The following MEF2D variants were observed in gnomAD, a reference collection of about 807,000 sequenced individuals.
MEF2D encodes myocyte enhancer factor 2D, also known as myocyte-specific enhancer factor 2D.
MEF2D carries 10 observed loss-of-function variants against 59.3 expected under a neutral mutation model. The observed-to-expected ratio is 0.17, with a 90% CI of 0.10 to 0.29. The LOEUF is 0.29. Among genes scored for constraint, MEF2D ranks in the 10% least tolerant of loss-of-function variants. The pLI is 1.00. For synonymous variants in MEF2D, 305 were observed against 295.0 expected (o/e 1.03, Z -0.35); for missense variants, 508 against 699.4 (o/e 0.73, Z 3.09).
intron 9 of MEF2D, among the ~76,000 whole-genome samples, chr1:156,473,190 GTA>G (rs912026983): frequency 6.6e-6 from 1 of 150,406 alleles, no homozygotes; most frequent in Non-Finnish European, 1.5e-5. Flanking sequence ...GTTGATTTTT[GTA>G]TTTTTAGTAG....
intron 9 of MEF2D, among the ~76,000 whole-genome samples, chr1:156,474,239 A>C (rs1238406472): frequency 2.0e-5 from 3 of 152,196 alleles, no homozygotes; most frequent in Non-Finnish European, 4.4e-5. Flanking sequence ...ACTTGAACTC[A>C]GGAGTTTGAG....
intron 3 of MEF2D, 43 bp from the exon 4 acceptor site, chr1:156,481,014 C>A: frequency 6.2e-7 from 1 of 1,608,878 alleles, no homozygotes; most frequent in Non-Finnish European, 8.5e-7. Flanking sequence ...GAGTCCTTCC[C>A]GCCCGCCTCG....
At chr1:156,480,139 A>G (rs1178137315) in intron 4 of MEF2D, among the ~76,000 whole-genome samples, 1 of 152,136 alleles carries the variant, frequency 6.6e-6, no homozygotes, top group African/African-American at 2.4e-5. Flanking sequence ...AGAGGCCCTG[A>G]TAACAGACTC....
intron 4 of MEF2D, chr1:156,480,611 A>C: frequency 6.5e-7 from 1 of 1,530,710 alleles, no homozygotes; most frequent in South Asian, 1.2e-5. Flanking sequence ...ACCATGCACC[A>C]CAGGGAGGCT....
chr1:156,476,859 G>A, intron 7 of MEF2D, 153 bp downstream of exon 7: 2 of 953,972 alleles, frequency 2.1e-6, no homozygotes, highest in Non-Finnish European at 3.1e-6. Context: ...CCTCTGGGAA[G>A]AAAAATCTCA....
chr1:156,480,951 G>A lies in MEF2D; in HGVS notation c.279C>T (p.Phe93=). Residue 93 remains phenylalanine, a synonymous_variant, in exon 4 of 12, where the codon TTC becomes TTT. Coordinates refer to ENST00000348159, the MANE Select transcript of MEF2D (RefSeq NM_005920.4). ...DIIETLRKKG[F]NGCDSPEPDG... is the part of the protein sequence containing the mutation. ...CGGGCTCGGGGCTGTCGCAGCCGTT[G>A]AAGCCCTTCTTCCTCAGGGTCTGTA... 1 of 1,612,026 alleles carries A rather than the reference G, an allele frequency of 6.2e-7. No homozygotes were observed. The highest frequency in any genetic ancestry group is 8.5e-7 in the Non-Finnish European group (1 of 1,179,932).
chr1:156,495,838 G>A (rs148732686), intron 1 of MEF2D, among the ~76,000 whole-genome samples: 2 of 138,828 alleles, frequency 1.4e-5, no homozygotes, highest in Non-Finnish European at 3.1e-5. Flanking sequence ...ACAGCATCCA[G>A]CCAGAGGCAC....
intron 5 of MEF2D, 119 bp from the exon 6 acceptor site, chr1:156,479,465 G>A (rs1671838910): frequency 6.7e-7 from 1 of 1,485,790 alleles, no homozygotes; most frequent in South Asian, 1.2e-5. Flanking sequence ...TCCCTCAGGA[G>A]CCATACAAAT....
intron 8 of MEF2D, among the ~76,000 whole-genome samples, chr1:156,476,145 G>A (rs1671560253): frequency 1.3e-5 from 2 of 152,234 alleles, no homozygotes; most frequent in Admixed American, 6.5e-5. Context: ...CAGCCCCCTA[G>A]TCCAGGGCCT....
At position 156,477,003 on chromosome 1, in the gene MEF2D, C is replaced by T. The variant is rs1250431952; in HGVS notation, c.855+9G>A. 6.2e-7 allele frequency: 1 copy of T among 1,613,708 alleles called. No homozygotes were observed. Among genetic ancestry groups the T allele is most frequent in the Non-Finnish European group, 8.5e-7 (1 of 1,179,840 alleles). On this transcript the variant is annotated intron_variant, in intron 7 of 11. Coordinates refer to ENST00000348159, the MANE Select transcript of MEF2D (RefSeq NM_005920.4). Reference sequence around the variant, plus strand: ...CCAGCCCCCACCCTTGGCCCAGACACCCACTTACCAAGTGATGCATTAACC... The same window carrying T: ...CCAGCCCCCACCCTTGGCCCAGACATCCACTTACCAAGTGATGCATTAACC...
At position 156,467,099 on chromosome 1, in the gene MEF2D, C is replaced by T. The variant is rs945041703; in HGVS notation, c.*546G>A. 4 of 152,664 alleles carry T rather than the reference C, an allele frequency of 2.6e-5. No homozygotes were observed. Among genetic ancestry groups the T allele is most frequent in the African/African-American group, 7.2e-5 (3 of 41,448 alleles). 9.5% of individuals were successfully genotyped at this position (152,664 alleles called of 1,614,324 possible). On this transcript the variant is annotated 3_prime_UTR_variant, in exon 12 of 12. Coordinates refer to ENST00000348159, the MANE Select transcript of MEF2D (RefSeq NM_005920.4). ...ATTCTGCTCCATGTGCCTATGGCTA[C>T]ATGAACACAAAAACAGAGACCCTTT...
At chr1:156,482,330 A>G in intron 3 of MEF2D, 107 bp downstream of exon 3, 1 of 1,160,552 alleles carries the variant, frequency 8.6e-7, no homozygotes, top group Non-Finnish European at 1.3e-6. Flanking sequence ...AGGGGCATGT[A>G]TACCAGTGTG....
At chr1:156,472,706 G>A (rs1228875863) in intron 9 of MEF2D, among the ~76,000 whole-genome samples, 2 of 146,252 alleles carry the variant, frequency 1.4e-5, no homozygotes, top group African/African-American at 2.6e-5. Flanking sequence ...GTGCCACCAC[G>A]CCCGGCTAAT....
chr1:156,472,038 C>A lies in MEF2D; in HGVS notation c.1007-3018G>T, dbSNP rs548697955. On this transcript the variant is annotated intron_variant, in intron 9 of 11. Coordinates refer to ENST00000348159, the MANE Select transcript of MEF2D (RefSeq NM_005920.4). ...AGTGCCTGTCCCAGGTTGGCTGACACCAACTAACTTTCCTCCTGCTTCACA... is the reference window on the plus strand; with the variant it reads ...AGTGCCTGTCCCAGGTTGGCTGACAACAACTAACTTTCCTCCTGCTTCACA... Among the ~76,000 whole-genome samples, 3 of 152,336 alleles carry A rather than the reference C, an allele frequency of 2.0e-5. No homozygotes were observed. The East Asian group carries it at 5.8e-4, about 29-fold the overall frequency.
chr1:156,472,911 T>C (rs891757281), intron 9 of MEF2D, among the ~76,000 whole-genome samples: 1 of 152,066 alleles, frequency 6.6e-6, no homozygotes, highest in South Asian at 2.1e-4. Flanking sequence ...AGGGTTTCAC[T>C]GTGTTAGCCA....
At chr1:156,492,688 G>T (rs190340871) in intron 1 of MEF2D, among the ~76,000 whole-genome samples, 162 of 152,342 alleles carry the variant, frequency 1.1e-3, no homozygotes, top group Non-Finnish European at 1.9e-3. Flanking sequence ...TTGGCTATCA[G>T]AAGCCCTGGC....
chr1:156,480,827 G>A lies in MEF2D; in HGVS notation c.396+7C>T. 4 of 1,593,220 alleles carry A rather than the reference G, an allele frequency of 2.5e-6. No homozygotes were observed. The highest frequency in any genetic ancestry group is 3.4e-6 in the Non-Finnish European group (4 of 1,170,260). On this transcript the variant is annotated splice_region_variant and intron_variant, in intron 4 of 11. Coordinates refer to ENST00000348159, the MANE Select transcript of MEF2D (RefSeq NM_005920.4). ...GGGCCAACAGAGACAGAGTGAGTGG[G>A]GCTCACCCCATAGCGCCGGAAGAGC... is the stretch of plus-strand genomic sequence containing the variant.
At chr1:156,477,864 T>G (rs1182843914) in intron 6 of MEF2D, among the ~76,000 whole-genome samples, 1 of 152,250 alleles carries the variant, frequency 6.6e-6, no homozygotes, top group Non-Finnish European at 1.5e-5. Context: ...ACCACCATAA[T>G]TAGCCTGGTA....
chr1:156,498,992 G>C (rs555308826), intron 1 of MEF2D, among the ~76,000 whole-genome samples: 160 of 152,310 alleles, frequency 1.1e-3, no homozygotes, highest in African/African-American at 3.8e-3. Flanking sequence ...CCACAAGCGG[G>C]TGGACATCTG....
Sources: gnomAD v4.1 joint callset for allele counts (sites outside exome capture counted in the v4.1 genomes callset) on GRCh38, gnomAD v4.1.1 for gene constraint, MANE v1.5 for transcripts, NCBI Gene and HGNC (gene_info 2026-07-23, HGNC 2026-07-21) for gene names.